The following TRPC7 variants were observed in gnomAD, a reference collection of about 807,000 sequenced individuals.
TRPC7 encodes the protein transient receptor potential cation channel subfamily C member 7, also known as short transient receptor potential channel 7.
Under a neutral mutation model 90.1 loss-of-function variants are expected in TRPC7, and 42 were observed. The ratio of observed to expected loss-of-function variants is 0.47; its 90% CI spans 0.36 to 0.60. The LOEUF is 0.60. Ranked by LOEUF, TRPC7 falls within the 20% of genes least tolerant of loss-of-function variation. The pLI, the probability that TRPC7 is intolerant of heterozygous loss-of-function variation, is 0.00. For synonymous variants in TRPC7, 451 were observed against 436.3 expected (o/e 1.03, Z -0.42); for missense variants, 955 against 1,112.3 (o/e 0.86, Z 2.01).
intron 5 of TRPC7, among the ~76,000 whole-genome samples, chr5:136,264,116 A>T (rs1454722503): frequency 6.6e-6 from 1 of 152,218 alleles, no homozygotes; most frequent in African/African-American, 2.4e-5. Context: ...TTCTGCTCTG[A>T]GGGTCAGAAG....
chr5:136,323,130 T>A (rs1360481694), intron 2 of TRPC7, among the ~76,000 whole-genome samples: 1 of 152,188 alleles, frequency 6.6e-6, no homozygotes, highest in Non-Finnish European at 1.5e-5. Flanking sequence ...AGTGGATAAG[T>A]CTTACAAGAG....
At chr5:136,256,692 A>T (rs1338804580) in intron 5 of TRPC7, among the ~76,000 whole-genome samples, 3 of 152,164 alleles carry the variant, frequency 2.0e-5, no homozygotes, top group African/African-American at 7.2e-5. Flanking sequence ...GGGTCATATC[A>T]TGGTCACTTC....
chr5:136,251,709 C>G lies in TRPC7; in HGVS notation c.1519G>C (p.Val507Leu). Residue 507 changes from valine to leucine, a missense_variant, in exon 6 of 12, where the codon GTG becomes CTG. By Grantham distance (32) the Val-to-Leu change is conservative (BLOSUM62 1). Around this residue, in one of 4 missense-constraint regions of TRPC7, gnomAD observed 484 missense variants for 509.6 expected, o/e 0.95. Coordinates refer to ENST00000513104, the MANE Select transcript of TRPC7 (RefSeq NM_020389.3). ...TEAQLYVDQH[V>L]QDDTLHNVSL... Reference sequence around the variant, plus strand: ...ACATTGTGCAGCGTGTCGTCCTGCACGTGCTGGTCCACGTACAGCTGTGCC... The same window carrying G: ...ACATTGTGCAGCGTGTCGTCCTGCAGGTGCTGGTCCACGTACAGCTGTGCC... The G allele has an allele frequency of 6.2e-7, 1 of 1,613,874 alleles. No homozygotes were observed. Among genetic ancestry groups the G allele is most frequent in the Non-Finnish European group, 8.5e-7 (1 of 1,179,804 alleles).
At chr5:136,283,958 C>G (rs1220778080) in intron 3 of TRPC7, among the ~76,000 whole-genome samples, 3 of 152,198 alleles carry the variant, frequency 2.0e-5, no homozygotes, top group Admixed American at 6.5e-5. Context: ...AGGGCATCTC[C>G]TAATTCCATT....
At chr5:136,352,157 C>T (rs1288451911) in intron 2 of TRPC7, among the ~76,000 whole-genome samples, 1 of 152,146 alleles carries the variant, frequency 6.6e-6, no homozygotes, top group Admixed American at 6.6e-5. Context: ...ACACTGGATG[C>T]TTTCAAATGT....
intron 3 of TRPC7, among the ~76,000 whole-genome samples, chr5:136,307,735 G>A (rs886882154): frequency 3.3e-5 from 5 of 152,142 alleles, no homozygotes; most frequent in Admixed American, 1.3e-4. Flanking sequence ...TATAATGCAC[G>A]GGGGAGTCCT....
rs1397574657 is a variant in TRPC7 at position 136,266,412 on chromosome 5, A to G, written c.1153T>C (p.Phe385Leu). Residue 385 changes from phenylalanine to leucine, a missense_variant, in exon 5 of 12, where the codon TTC (phenylalanine) becomes CTC (leucine). This residue lies in a region of TRPC7 where 484 missense variants were observed against 509.6 expected (regional missense o/e 0.95). Coordinates refer to ENST00000513104, the MANE Select transcript of TRPC7 (RefSeq NM_020389.3). ...SKLGRTLRSP[F>L]MKFVAHAVSF... ...ACTGCATGAGCTACAAACTTCATGA[A>G]AGGGCTCCTCAGGGTTCGTCCTAGC... 3.7e-6 allele frequency: 6 copies of G among 1,613,756 alleles called. No individual in the cohort carries two copies. In the Admixed American group the frequency reaches 1.0e-4, roughly 27 times the overall value.
At chr5:136,300,790 T>C (rs893538629) in intron 3 of TRPC7, among the ~76,000 whole-genome samples, 16 of 152,300 alleles carry the variant, frequency 1.1e-4, no homozygotes, top group African/African-American at 3.8e-4. Context: ...TAGAGAAGCA[T>C]TAAAGCCTCC....
At chr5:136,258,930 G>A (rs1756769521) in intron 5 of TRPC7, among the ~76,000 whole-genome samples, 1 of 152,190 alleles carries the variant, frequency 6.6e-6, no homozygotes, top group Non-Finnish European at 1.5e-5. Flanking sequence ...GAACCCACAA[G>A]TCCTAACATC....
intron 3 of TRPC7, among the ~76,000 whole-genome samples, chr5:136,303,494 C>T (rs1758479446): frequency 6.6e-6 from 1 of 152,164 alleles, no homozygotes; most frequent in Admixed American, 6.5e-5. Flanking sequence ...AGACAAACCC[C>T]AGCCACAACT....
intron 3 of TRPC7, among the ~76,000 whole-genome samples, chr5:136,308,640 G>T (rs1462841345): frequency 6.6e-6 from 1 of 152,184 alleles, no homozygotes; most frequent in Non-Finnish European, 1.5e-5. Flanking sequence ...GAGGGCATCT[G>T]CCCTCTCTTG....
At chr5:136,347,656 G>A (rs1760051913) in intron 2 of TRPC7, among the ~76,000 whole-genome samples, 1 of 152,158 alleles carries the variant, frequency 6.6e-6, no homozygotes, top group African/African-American at 2.4e-5. Context: ...CAATTTGGCT[G>A]AGCCTGGGAC....
intron 2 of TRPC7, among the ~76,000 whole-genome samples, chr5:136,352,206 C>T (rs887213857): frequency 6.6e-6 from 1 of 152,164 alleles, no homozygotes. Context: ...ACCCCTACCC[C>T]ATACTGCTTT....
intron 10 of TRPC7, among the ~76,000 whole-genome samples, chr5:136,220,240 C>T (rs1755408622): frequency 6.6e-6 from 1 of 152,210 alleles, no homozygotes; most frequent in Non-Finnish European, 1.5e-5. Flanking sequence ...CAAGGGAAGA[C>T]AACCATAAGG....
chr5:136,328,524 T>C (rs1759411036), intron 2 of TRPC7, among the ~76,000 whole-genome samples: 1 of 152,158 alleles, frequency 6.6e-6, no homozygotes, highest in South Asian at 2.1e-4. Context: ...GATGACTGGG[T>C]GGTCAGTATT....
chr5:136,346,443 C>A (rs1259113208), intron 2 of TRPC7, among the ~76,000 whole-genome samples: 1 of 152,108 alleles, frequency 6.6e-6, no homozygotes, highest in East Asian at 1.9e-4. Flanking sequence ...CTCTCGGCTG[C>A]CCTCCCTCCT....
At chr5:136,306,560 G>T (rs1000783458) in intron 3 of TRPC7, among the ~76,000 whole-genome samples, 1 of 152,108 alleles carries the variant, frequency 6.6e-6, no homozygotes, top group African/African-American at 2.4e-5. Context: ...AAGAAAGCAG[G>T]AATGTCAGGC....
intron 3 of TRPC7, among the ~76,000 whole-genome samples, chr5:136,298,290 G>A (rs781340986): frequency 5.9e-5 from 9 of 152,158 alleles, no homozygotes; most frequent in East Asian, 1.9e-4. Flanking sequence ...TTCCCTGGGC[G>A]GGAACTAGCA....
intron 3 of TRPC7, among the ~76,000 whole-genome samples, chr5:136,307,109 T>C (rs891299504): frequency 6.6e-6 from 1 of 152,238 alleles, no homozygotes; most frequent in Middle Eastern, 3.2e-3. Flanking sequence ...AATTAACATA[T>C]TTATCACCTT....
Sources: allele counts gnomAD v4.1 joint callset (sites outside exome capture counted in the v4.1 genomes callset), GRCh38; gene constraint gnomAD v4.1.1; regional missense constraint gnomAD v4.1.1; transcripts MANE v1.5; gene names NCBI Gene and HGNC (gene_info 2026-07-23, HGNC 2026-07-21).